ASMT: variants seen among roughly 807,000 people sequenced by gnomAD.
ASMT encodes the protein acetylserotonin N-methyltransferase.
ASMT carries 53 observed loss-of-function variants against 41.3 expected under a neutral mutation model. That is an observed-to-expected ratio of 1.28 (90% CI 1.03 to 1.61). The LOEUF is 1.61. Among genes scored for constraint, ASMT ranks in the 40% most tolerant of loss-of-function variants. The pLI is 0.00. For synonymous variants in ASMT, 231 were observed against 184.8 expected (o/e 1.25, Z -2.03); for missense variants, 531 against 441.3 (o/e 1.20, Z -1.82).
At chrX:1,636,099 G>T (rs1934949874) in intron 7 of ASMT, 9 of 358,168 alleles carry the variant, frequency 2.5e-5, no homozygotes, top group Non-Finnish European at 4.9e-5. Context: ...GGGACCACAG[G>T]CACCCGCCAT....
intron 4 of ASMT, among the ~76,000 whole-genome samples, chrX:1,629,553 A>G (rs1274048375): frequency 2.6e-5 from 4 of 152,052 alleles, no homozygotes; most frequent in African/African-American, 7.2e-5. Flanking sequence ...AAAACATCTA[A>G]ACTCCTCTTC....
chrX:1,629,863 G>A lies in ASMT; in HGVS notation c.486G>A (p.Glu162=). 1 of 1,614,006 alleles carries A rather than the reference G, an allele frequency of 6.2e-7. No homozygotes were observed. The highest frequency in any genetic ancestry group is 8.5e-7 in the Non-Finnish European group (1 of 1,179,882). Residue 162 remains glutamate, a synonymous_variant, in exon 5 of 9, where the codon GAG becomes GAA. Transcript: ENST00000381241. ...TACAGTTCATGCAAGCTCTGCAGGA[G>A]GTCTGGAGCGTCAACGGGAGAAGCG... ...ERLQFMQALQ[E]VWSVNGRSVL...
rs151095769 is a variant in ASMT, at chrX:1,624,390, C to A, written c.366C>A (p.Asp122Glu). 6 of 1,613,260 alleles carry A rather than the reference C, an allele frequency of 3.7e-6. No homozygotes were observed. The highest frequency in any genetic ancestry group is 5.1e-6 in the Non-Finnish European group (6 of 1,179,800). The stretch of plus-strand genomic sequence containing the variant: ...ACCGGTGCTGGGGCCACCTGGCAGA[C>A]GCCGTGAGGTGGGGGCTGCCCCCAG... Reference protein sequence around the residue: ...TSYRCWGHLADAVREGRNQYL... With the variant: ...TSYRCWGHLAEAVREGRNQYL... The change falls in exon 3 of 9, where the codon GAC becomes GAA. Residue 122 changes from aspartate (D) to glutamate (E), a missense_variant. Transcript: ENST00000381241.
Position 1,627,633 on chromosome X carries a change from C to CGAAATGAAATGAAAT in ASMT, c.375-40_375-26dup, listed in dbSNP as rs542448808. ...TGAAATGAAATGAAACGAAATGAAA[C>CGAAATGAAATGAAAT]GAAATGAAATGAAATGAAATGAAAT... On this transcript the variant is annotated intron_variant, in intron 3 of 8. Coordinates refer to ENST00000381241, the MANE Select transcript of ASMT (RefSeq NM_001171038.2). 2,831 of 1,199,504 alleles carry CGAAATGAAATGAAAT rather than the reference C, an allele frequency of 2.4e-3. 9 individuals are homozygous for CGAAATGAAATGAAAT. The highest frequency in any genetic ancestry group is 3.3e-3 in the South Asian group (275 of 83,066). The allele number at this position is 1,199,504 out of a possible 1,614,324, so 74.3% of individuals were successfully genotyped here. A position where few individuals can be genotyped will look rare whatever the true frequency, so the allele number is the denominator to read the frequency against.
intron 2 of ASMT, among the ~76,000 whole-genome samples, chrX:1,623,823 AT>A (rs1415515915): frequency 6.6e-6 from 1 of 151,326 alleles, no homozygotes; most frequent in East Asian, 2.0e-4. Context: ...TGGGCCACTT[AT>A]TTTTAGTAGA....
At chrX:1,633,006 A>G in intron 6 of ASMT, 144 bp from the exon 7 acceptor site, 2 of 851,880 alleles carry the variant, frequency 2.3e-6, no homozygotes, top group Admixed American at 2.0e-5. Flanking sequence ...AACTTAAAGT[A>G]TAATAAAAAG....
chrX:1,625,767 A>C (rs1471281437), intron 3 of ASMT, among the ~76,000 whole-genome samples: 11 of 151,488 alleles, frequency 7.3e-5, no homozygotes, highest in Admixed American at 4.6e-4. Flanking sequence ...ATCCTGGCTA[A>C]CACGGTGAAA....
intron 6 of ASMT, 142 bp from the exon 7 acceptor site, chrX:1,633,008 A>T: frequency 1.2e-6 from 1 of 856,804 alleles, no homozygotes; most frequent in Non-Finnish European, 1.9e-6. Flanking sequence ...CTTAAAGTAT[A>T]ATAAAAAGAA....
At chrX:1,620,296 C>T (rs1934293837) in intron 1 of ASMT, among the ~76,000 whole-genome samples, 2 of 149,950 alleles carry the variant, frequency 1.3e-5, no homozygotes, top group East Asian at 2.1e-4. Context: ...CTCAGCCTCC[C>T]GAATAGGTGG....
rs1173952470 is a variant in ASMT at position 1,624,313 on chromosome X, G to T, written c.289G>T (p.Val97Phe). The change falls in exon 3 of 9, where the codon GTC (valine) becomes TTC (phenylalanine). Residue 97 changes from valine (V) to phenylalanine (F), a missense_variant. Coordinates refer to ENST00000381241, the MANE Select transcript of ASMT (RefSeq NM_001171038.2). ...GCTGTCCAGCGACTACCTGACCACGGTCAGCCCGACGTCACAATGCAGCAT... is the reference window on the plus strand; with the variant it reads ...GCTGTCCAGCGACTACCTGACCACGTTCAGCCCGACGTCACAATGCAGCAT... ...TELSSDYLTT[V>F]SPTSQCSMLK... 6.2e-7 allele frequency: 1 copy of T among 1,613,866 alleles called. No homozygotes were observed. The highest frequency in any genetic ancestry group is 8.5e-7 in the Non-Finnish European group (1 of 1,179,878).
intron 6 of ASMT, 50 bp from the exon 7 acceptor site, chrX:1,633,100 T>A: frequency 6.2e-7 from 1 of 1,612,866 alleles, no homozygotes; most frequent in South Asian, 1.1e-5. Flanking sequence ...GGGTGAGCGA[T>A]GTCTCTCAGG....
chrX:1,642,750 A>C, intron 8 of ASMT, 53 bp from the exon 9 acceptor site: 1 of 1,558,746 alleles, frequency 6.4e-7, no homozygotes, highest in Non-Finnish European at 8.8e-7. Flanking sequence ...GGACTTTGGC[A>C]CAGTCTGTCT....
At chrX:1,630,511 T>A (rs1279763072) in intron 5 of ASMT, among the ~76,000 whole-genome samples, 1 of 152,044 alleles carries the variant, frequency 6.6e-6, no homozygotes, top group Non-Finnish European at 1.5e-5. Context: ...TTTGCCATGT[T>A]GGCCAGGCTG....
At chrX:1,619,952 G>C (rs1603461151) in intron 1 of ASMT, among the ~76,000 whole-genome samples, 1 of 151,264 alleles carries the variant, frequency 6.6e-6, no homozygotes, top group East Asian at 2.0e-4. Context: ...AATTAGCCGG[G>C]CGTGGTGGTG....
In ASMT at chrX:1,623,152, C is replaced by T; in HGVS notation, c.83C>T (p.Ala28Val). 1.9e-6 allele frequency: 3 copies of T among 1,612,672 alleles called. No individual in the cohort carries two copies. Among genetic ancestry groups the T allele is most frequent in the South Asian group, 1.1e-5 (1 of 91,014 alleles). Reference protein sequence around the residue: ...GFMVSQVLFAACELGVFDLLA... With the variant: ...GFMVSQVLFAVCELGVFDLLA... ...TCCTGCTCCAAGGTTCTCTTCGCCG[C>T]CTGCGAGCTGGGCGTGTTTGACCTT... The change falls in exon 2 of 9, where the codon GCC becomes GTC. Residue 28 changes from alanine to valine, a missense_variant. Transcript: ENST00000381241.
chrX:1,636,876 C>T lies in ASMT; in HGVS notation c.910+316C>T, dbSNP rs757531000. On this transcript the variant is annotated intron_variant, in intron 8 of 8. Transcript: ENST00000381241. ...GTGCCCCACTGACTTCTGAGGTCCACCCATCCTGATGGTTCATGAGGATGT... is the reference window on the plus strand; with the variant it reads ...GTGCCCCACTGACTTCTGAGGTCCATCCATCCTGATGGTTCATGAGGATGT... 1.6e-4 allele frequency among the ~76,000 whole-genome samples: 25 copies of T among 152,142 alleles called. No individual in the cohort carries two copies. The South Asian group carries it at 2.3e-3, about 14-fold the overall frequency.
chrX:1,637,204 A>T (rs377677548), intron 8 of ASMT, among the ~76,000 whole-genome samples: 1 of 29,026 alleles, frequency 3.4e-5, no homozygotes, highest in Non-Finnish European at 5.6e-5. Flanking sequence ...AGGTCCATCC[A>T]TCCTGATGGC....
chrX:1,623,450 T>G (rs751032972), intron 2 of ASMT, 137 bp downstream of exon 2: 3 of 1,148,848 alleles, frequency 2.6e-6, no homozygotes, highest in East Asian at 2.6e-5. Context: ...ATACAAAAAA[T>G]TAGCCGGGTG....
Position 1,636,544 on chromosome X carries a change from C to G in ASMT, c.894C>G (p.Tyr298Ter). Residue 298 changes from tyrosine (Y) to a stop codon, truncating the protein, a stop_gained, in exon 8 of 9, where the codon TAC becomes TAG. Coordinates refer to ENST00000381241, the MANE Select transcript of ASMT (RefSeq NM_001171038.2). LOFTEE classifies it high-confidence loss of function. ...GCTCACACCTGCTGGAGAGGATCTA[C>G]CACACTTGCAAGCCAGGTAAGTTGT... Reference protein sequence around the residue: ...GKCSHLLERIYHTCKPGGGIL... With the variant: ...GKCSHLLERI 2.5e-6 allele frequency: 4 copies of G among 1,612,718 alleles called. No individual in the cohort carries two copies. The highest frequency in any genetic ancestry group is 3.4e-6 in the Non-Finnish European group (4 of 1,179,694).
Sources: gnomAD v4.1 joint callset for allele counts (sites outside exome capture counted in the v4.1 genomes callset) on GRCh38, gnomAD v4.1.1 for gene constraint, MANE v1.5 for transcripts, NCBI Gene and HGNC (gene_info 2026-07-23, HGNC 2026-07-21) for gene names.